RGS11: variants seen among roughly 807,000 people sequenced by gnomAD.
The protein encoded by RGS11 is regulator of G-protein signaling 11.
RGS11 carries 86 observed loss-of-function variants against 71.1 expected under a neutral mutation model. That is an observed-to-expected ratio of 1.21 (90% CI 1.02 to 1.45). The LOEUF (loss-of-function observed/expected upper bound fraction) is 1.45, where lower values mean the gene tolerates loss of function less well. Ranked by LOEUF, RGS11 falls within the 40% of genes most tolerant of loss-of-function variation. The probability of loss-of-function intolerance (pLI) is 0.00; values close to 1 mark genes in which losing one functional copy is unlikely to be tolerated. For synonymous variants in RGS11, 298 were observed against 254.2 expected, an observed-to-expected ratio of 1.17 and a Z score of -1.64; for missense variants, 734 against 635.1, an observed-to-expected ratio of 1.16 and a Z score of -1.67.
intron 6 of RGS11, 77 bp downstream of exon 6, chr16:273,966 A>T: frequency 6.8e-7 from 1 of 1,469,494 alleles, no homozygotes; most frequent in East Asian, 2.6e-5. Flanking sequence ...TAAACCGTGA[A>T]GCCCCGGGGG....
rs59594847 is a variant in RGS11, at chr16:271,104, G to C, written c.864-5C>G. ...AGCTTCGTGGGGGCAGCCACCCTGG[G>C]GAGAGGGCAGGGCTGTTGGGGAGGG... On this transcript the variant is annotated splice_region_variant and splice_polypyrimidine_tract_variant and intron_variant, in intron 12 of 16. Transcript: ENST00000397770. 4.3e-3 allele frequency: 6,993 copies of C among 1,610,604 alleles called. 323 individuals carry two copies. The East Asian group carries it at 0.11, about 25-fold the overall frequency.
chr16:269,295 G>A lies in RGS11; in HGVS notation c.1378C>T (p.Pro460Ser). ...TAGGCCACCCCATCTCCACCCCCAG[G>A]GCCACAAGCCGCTGTGGGCTCCACA... ...TPVEPTAACGPGGGDGVA is the reference protein window; with the variant it reads ...TPVEPTAACGSGGGDGVA Residue 460 changes from proline to serine, a missense_variant, in exon 17 of 17, where the codon CCT (proline) becomes TCT (serine). Pro to Ser is a moderately conservative substitution (Grantham distance 74). Coordinates refer to ENST00000397770, the MANE Select transcript of RGS11 (RefSeq NM_183337.3). The A allele has an allele frequency of 6.3e-7, 1 of 1,582,742 alleles. No homozygotes were observed. The highest frequency in any genetic ancestry group is 8.6e-7 in the Non-Finnish European group (1 of 1,165,944).
Position 271,027 on chromosome 16 carries a change from C to A in RGS11, c.936G>T (p.Val312=), listed in dbSNP as rs781767262. Residue 312 remains valine, a synonymous_variant, in exon 13 of 17, where the codon GTG becomes GTT. Transcript: ENST00000397770. ...FSFRELLEDP[V]GRAHFMDFLG... The stretch of plus-strand genomic sequence containing the variant: ...GAAAGTCCATGAAGTGGGCCCGCCC[C>A]ACGGGGTCCTCCAGGAGCTCCCGGA... 1 of 1,612,472 alleles carries A rather than the reference C, an allele frequency of 6.2e-7. No individual in the cohort carries two copies. Among genetic ancestry groups the A allele is most frequent in the Admixed American group, 1.7e-5 (1 of 60,010 alleles).
In RGS11 at chr16:271,228, G is replaced by T. The variant is rs370941756; in HGVS notation, c.837C>A (p.Asp279Glu). 41 of 1,612,852 alleles carry T rather than the reference G, an allele frequency of 2.5e-5. No individual in the cohort carries two copies. The highest frequency in any genetic ancestry group is 3.4e-5 in the Non-Finnish European group (40 of 1,179,984). ...TGGGGGCATTCATGACCCAGTAGGC[G>T]TCATTGTCTGAGATCCAGGGATTGC... ...LPSNPWISDN[D>E]AYWVMNAPTV... is the part of the protein sequence containing the mutation. Residue 279 changes from aspartate to glutamate, a missense_variant, in exon 12 of 17, where the codon GAC (aspartate) becomes GAA (glutamate). By Grantham distance (45) the Asp-to-Glu change is conservative. Transcript: ENST00000397770.
intron 9 of RGS11, chr16:272,574 C>G (rs1037561078): frequency 3.4e-6 from 5 of 1,463,380 alleles, no homozygotes; most frequent in Non-Finnish European, 4.5e-6. Flanking sequence ...CCCAGCAAAC[C>G]CTGATACTGT....
rs377253956 is a variant in RGS11, at chr16:275,376, C to T, written c.160+26G>A. The T allele has an allele frequency of 4.4e-5, 71 of 1,609,852 alleles. No homozygotes were observed. The African/African-American group carries it at 8.4e-4, about 19-fold the overall frequency. On this transcript the variant is annotated intron_variant, in intron 2 of 16. Transcript: ENST00000397770. Reference sequence around the variant, plus strand: ...AGGTGGAGGGAGGCCGAGGCGCGCACGCACCCCCGCCCCGGCGCGCCTCAC... The same window carrying T: ...AGGTGGAGGGAGGCCGAGGCGCGCATGCACCCCCGCCCCGGCGCGCCTCAC...
intron 8 of RGS11, 22 bp downstream of exon 8, chr16:273,453 C>T: frequency 2.6e-6 from 4 of 1,537,888 alleles, no homozygotes; most frequent in Admixed American, 2.0e-5. Context: ...GCGACCCCCA[C>T]CCTCACCGCA....
At chr16:273,044 G>C (rs1370829779) in intron 8 of RGS11, 113 bp from the exon 9 acceptor site, 2 of 1,035,728 alleles carry the variant, frequency 1.9e-6, no homozygotes, top group African/African-American at 3.2e-5. Flanking sequence ...AAAGGAACTC[G>C]GGAAGAGTCC....
chr16:273,403 A>G (rs2052020896), intron 8 of RGS11, 72 bp downstream of exon 8: 5 of 1,178,992 alleles, frequency 4.2e-6, no homozygotes, highest in Non-Finnish European at 1.2e-6. Flanking sequence ...TGGTCCTGAG[A>G]GCGCCTGTCA....
At chr16:271,896 G>A (rs56048533) in intron 9 of RGS11, 5,465 of 390,820 alleles carry the variant, frequency 0.014, 255 homozygotes, top group African/African-American at 0.099. Flanking sequence ...GAGTGCAGTG[G>A]TGCGATCTCG....
chr16:275,106 C>T (rs2052109205), intron 3 of RGS11, 24 bp from the exon 4 acceptor site: 9 of 1,478,974 alleles, frequency 6.1e-6, no homozygotes, highest in Non-Finnish European at 8.1e-6. Flanking sequence ...GGACGGTGAG[C>T]GCGGGGCCGC....
intron 3 of RGS11, 42 bp downstream of exon 3, chr16:275,241 A>AGCCCAGTGACCCCAGG (rs759544174): frequency 6.2e-7 from 1 of 1,609,852 alleles, no homozygotes; most frequent in Non-Finnish European, 8.5e-7. Flanking sequence ...CTAGGCCACC[A>AGCCCAGTGACCCCAGG]GCCCAGTGAC....
In RGS11 at chr16:270,737, C is replaced by T. The variant is rs771873402; in HGVS notation, c.1067+7G>A. On this transcript the variant is annotated splice_region_variant and intron_variant, in intron 14 of 16. Coordinates refer to ENST00000397770, the MANE Select transcript of RGS11 (RefSeq NM_183337.3). ...TGGCCAACCGGTGCCCACCACGCAGCACTTACTCGTACACGGCATCCACCA... is the reference window on the plus strand; with the variant it reads ...TGGCCAACCGGTGCCCACCACGCAGTACTTACTCGTACACGGCATCCACCA... 4 of 1,612,138 alleles carry T rather than the reference C, an allele frequency of 2.5e-6. No homozygotes were observed. In the South Asian group the frequency reaches 4.4e-5, roughly 18 times the overall value.
chr16:275,483 C>T lies in RGS11; in HGVS notation c.79G>A (p.Val27Met), dbSNP rs377431546. 327 of 1,579,052 alleles carry T rather than the reference C, an allele frequency of 2.1e-4. No individual in the cohort carries two copies. Among genetic ancestry groups the T allele is most frequent in the Non-Finnish European group, 2.5e-4 (298 of 1,170,414 alleles). Residue 27 changes from valine (V) to methionine (M), a missense_variant, in exon 2 of 17, where the codon GTG becomes ATG. Transcript: ENST00000397770. ...PHLRKMERVV[V>M]SMQDPDQGVK... ...CCCTGGTCGGGGTCCTGCATGCTCA[C>T]GACCACCCGCTCCATCTGGGCGGAG...
chr16:272,616 C>G (rs1567238117), intron 9 of RGS11: 9 of 1,453,914 alleles, frequency 6.2e-6, no homozygotes, highest in Middle Eastern at 2.5e-4. Flanking sequence ...TCCCCGCCAG[C>G]CCCCTCGTCC....
intron 13 of RGS11, 56 bp from the exon 14 acceptor site, chr16:270,887 TG>T: frequency 6.3e-7 from 1 of 1,586,898 alleles, no homozygotes; most frequent in Non-Finnish European, 8.6e-7. Context: ...CCAGGGCCGG[TG>T]GGGGGTTCCC....
intron 6 of RGS11, 76 bp from the exon 7 acceptor site, chr16:273,912 G>C: frequency 2.6e-6 from 4 of 1,509,536 alleles, no homozygotes; most frequent in Non-Finnish European, 3.7e-6. Flanking sequence ...TTGGGGGGTT[G>C]GGGACTGTCT....
At position 273,558 on chromosome 16, in the gene RGS11, T is replaced by C; in HGVS notation, c.507-2A>G. 6.4e-6 allele frequency: 10 copies of C among 1,559,576 alleles called. No homozygotes were observed. Among genetic ancestry groups the C allele is most frequent in the Non-Finnish European group, 8.7e-6 (10 of 1,152,064 alleles). On this transcript the variant is annotated splice_acceptor_variant, in intron 7 of 16. Coordinates refer to ENST00000397770, the MANE Select transcript of RGS11 (RefSeq NM_183337.3). LOFTEE classifies it high-confidence loss of function. ...CCCTTGCTGCGCTGCTTGGCTGCCCTGGGAGGAGGAGGCCGAGTTGAGGGC... is the reference window on the plus strand; with the variant it reads ...CCCTTGCTGCGCTGCTTGGCTGCCCCGGGAGGAGGAGGCCGAGTTGAGGGC...
intron 3 of RGS11, 87 bp from the exon 4 acceptor site, chr16:275,169 C>T: frequency 6.3e-7 from 1 of 1,575,900 alleles, no homozygotes; most frequent in Non-Finnish European, 8.6e-7. Context: ...ATGTGCTCCC[C>T]ACCCTTGCAC....
Sources: allele counts gnomAD v4.1 joint callset, GRCh38; gene constraint gnomAD v4.1.1; transcripts MANE v1.5; gene names NCBI Gene and HGNC (gene_info 2026-07-23, HGNC 2026-07-21).